KCNIP4: variants seen among roughly 807,000 people sequenced by gnomAD.
KCNIP4 encodes potassium voltage-gated channel interacting protein 4.
In KCNIP4, 12 loss-of-function variants were observed where a neutral mutation model predicts 34.0. The ratio of observed to expected loss-of-function variants is 0.35; its 90% CI spans 0.23 to 0.57. KCNIP4 has a LOEUF of 0.57. Ranked by LOEUF, KCNIP4 falls within the 20% of genes least tolerant of loss-of-function variation. The pLI is 0.83. For synonymous variants in KCNIP4, 124 were observed against 102.2 expected (o/e 1.21, Z -1.29); for missense variants, 238 against 311.7 (o/e 0.76, Z 1.78).
chr4:21,889,183 C>T (rs1452450393), intron 1 of KCNIP4, among the ~76,000 whole-genome samples: 1 of 152,060 alleles, frequency 6.6e-6, no homozygotes, highest in Non-Finnish European at 1.5e-5. Context: ...GAGATAGTGA[C>T]ACTTTTGCTT....
intron 1 of KCNIP4, among the ~76,000 whole-genome samples, chr4:21,882,984 GTTAT>G (rs1042323625): frequency 2.0e-4 from 30 of 151,968 alleles, no homozygotes; most frequent in African/African-American, 7.3e-4. Context: ...ATTCCATGTA[GTTAT>G]TTAGAATCTG....
At chr4:20,921,961 T>G (rs116325112) in intron 1 of KCNIP4, among the ~76,000 whole-genome samples, 2,009 of 152,336 alleles carry the variant, frequency 0.013, 48 homozygotes, top group African/African-American at 0.046. Flanking sequence ...ACATTTTTTA[T>G]CTCAATTAAA....
intron 1 of KCNIP4, among the ~76,000 whole-genome samples, chr4:21,202,006 T>TG (rs1470618955): frequency 6.6e-6 from 1 of 152,244 alleles, no homozygotes; most frequent in African/African-American, 2.4e-5. Context: ...AGAATGCTTA[T>TG]GCACTATTGG....
At chr4:20,846,595 T>C (rs1271934066) in intron 3 of KCNIP4, among the ~76,000 whole-genome samples, 2 of 152,032 alleles carry the variant, frequency 1.3e-5, no homozygotes, top group Non-Finnish European at 2.9e-5. Context: ...CTAAACATCA[T>C]CCCAGTTAAC....
intron 1 of KCNIP4, among the ~76,000 whole-genome samples, chr4:21,886,056 T>C (rs1578110409): frequency 6.6e-6 from 1 of 152,268 alleles, no homozygotes; most frequent in Admixed American, 6.5e-5. Context: ...TTATATAATA[T>C]GTCATATTTC....
At chr4:21,126,942 T>C (rs1750669899) in intron 1 of KCNIP4, among the ~76,000 whole-genome samples, 1 of 152,198 alleles carries the variant, frequency 6.6e-6, no homozygotes, top group African/African-American at 2.4e-5. Flanking sequence ...TTACATGGGC[T>C]CTCTGTCAAG....
At chr4:21,691,445 T>C (rs1711623490) in intron 1 of KCNIP4, among the ~76,000 whole-genome samples, 2 of 152,142 alleles carry the variant, frequency 1.3e-5, no homozygotes, top group South Asian at 2.1e-4. Context: ...AGCATACACA[T>C]TACCCCTTAT....
chr4:21,579,245 A>T (rs1043189975), intron 1 of KCNIP4, among the ~76,000 whole-genome samples: 2 of 152,190 alleles, frequency 1.3e-5, no homozygotes, highest in Non-Finnish European at 2.9e-5. Context: ...AATGCAGAAA[A>T]ACACACTTAA....
chr4:21,021,589 T>G (rs1577548927), intron 1 of KCNIP4, among the ~76,000 whole-genome samples: 1 of 152,144 alleles, frequency 6.6e-6, no homozygotes, highest in African/African-American at 2.4e-5. Flanking sequence ...AAAGAAATTT[T>G]TGTTAAAGGC....
intron 1 of KCNIP4, among the ~76,000 whole-genome samples, chr4:21,277,028 T>C (rs1266239129): frequency 6.6e-6 from 1 of 152,228 alleles, no homozygotes. Context: ...GATATAACTC[T>C]GTCAGGACTT....
chr4:21,026,513 G>A (rs577234528), intron 1 of KCNIP4, among the ~76,000 whole-genome samples: 27 of 152,230 alleles, frequency 1.8e-4, no homozygotes, highest in African/African-American at 6.0e-4. Flanking sequence ...AATTAGCCAG[G>A]TGTGGTGGCA....
chr4:21,754,679 C>A (rs2109151269), intron 1 of KCNIP4, among the ~76,000 whole-genome samples: 1 of 152,024 alleles, frequency 6.6e-6, no homozygotes, highest in South Asian at 2.1e-4. Flanking sequence ...TTTAACATGT[C>A]TAATAGTAGA....
chr4:21,714,521 AAGG>A (rs1396670483), intron 1 of KCNIP4, among the ~76,000 whole-genome samples: 2 of 140,858 alleles, frequency 1.4e-5, no homozygotes, highest in Non-Finnish European at 3.1e-5. Context: ...AGAAAGAGGA[AAGG>A]AGAAGAGGAA....
At position 20,915,543 on chromosome 4, in the gene KCNIP4, C is replaced by T. The variant is rs562120270; in HGVS notation, c.62-32834G>A. Reference sequence around the variant, plus strand: ...AATAAAGAAAATGCCTATAGAGTCACCAGGTTTTTCTATAACAATAATCTA... The same window carrying T: ...AATAAAGAAAATGCCTATAGAGTCATCAGGTTTTTCTATAACAATAATCTA... On this transcript the variant is annotated intron_variant, in intron 1 of 8. Coordinates refer to ENST00000382152, the MANE Select transcript of KCNIP4 (RefSeq NM_025221.6). Among the ~76,000 whole-genome samples the T allele has an allele frequency of 4.6e-5, 7 of 152,178 alleles. No homozygotes were observed. In the East Asian group the frequency reaches 1.4e-3, roughly 29 times the overall value.
chr4:21,875,934 T>C (rs1578099853), intron 1 of KCNIP4, among the ~76,000 whole-genome samples: 1 of 152,252 alleles, frequency 6.6e-6, no homozygotes, highest in Non-Finnish European at 1.5e-5. Context: ...ACAAGTAAAA[T>C]ACATTCAAAT....
chr4:21,346,559 T>C (rs898547927), intron 1 of KCNIP4, among the ~76,000 whole-genome samples: 1 of 151,780 alleles, frequency 6.6e-6, no homozygotes, highest in Non-Finnish European at 1.5e-5. Context: ...AGTGCCTTAA[T>C]GTGGAAAACT....
chr4:21,053,760 C>T (rs966040226), intron 1 of KCNIP4, among the ~76,000 whole-genome samples: 15 of 152,134 alleles, frequency 9.9e-5, no homozygotes, highest in African/African-American at 3.6e-4. Context: ...AGTACCATGA[C>T]ATTAGTATCC....
At chr4:20,860,683 CATA>C (rs754976674) in intron 2 of KCNIP4, among the ~76,000 whole-genome samples, 27 of 152,256 alleles carry the variant, frequency 1.8e-4, no homozygotes, top group Non-Finnish European at 2.4e-4. Context: ...ATGGCAATAA[CATA>C]ATGAGGATGA....
At chr4:21,825,994 C>A (rs891900870) in intron 1 of KCNIP4, among the ~76,000 whole-genome samples, 6 of 152,044 alleles carry the variant, frequency 3.9e-5, no homozygotes, top group Non-Finnish European at 7.4e-5. Flanking sequence ...GAGTATTTCA[C>A]TAAAGGAGGA....
Sources: allele counts gnomAD v4.1 joint callset (sites outside exome capture counted in the v4.1 genomes callset), GRCh38; gene constraint gnomAD v4.1.1; transcripts MANE v1.5; gene names NCBI Gene and HGNC (gene_info 2026-07-23, HGNC 2026-07-21).